Variants in PHF21A observed in about 807,000 individuals in gnomAD.
PHF21A encodes the protein PHD finger protein 21A.
Under a neutral mutation model 82.5 loss-of-function variants are expected in PHF21A, and 11 were observed. That is an observed-to-expected ratio of 0.13 (90% confidence interval 0.08 to 0.22). The LOEUF (loss-of-function observed/expected upper bound fraction) is 0.22. Among genes scored for constraint, PHF21A ranks in the 10% least tolerant of loss-of-function variants. The pLI, the probability that PHF21A is intolerant of heterozygous loss-of-function variation, is 1.00. For missense variants in PHF21A, 579 were observed against 837.8 expected (o/e 0.69, Z 3.81); for synonymous variants, 297 against 302.8 (o/e 0.98, Z 0.20).
intron 4 of PHF21A, among the ~76,000 whole-genome samples, chr11:46,083,247 G>C (rs1175377899): frequency 1.3e-5 from 2 of 151,874 alleles, no homozygotes; most frequent in Non-Finnish European, 2.9e-5. Flanking sequence ...AGCGGAACAA[G>C]AGTTTAACGA....
At chr11:46,009,043 C>T (rs770039643) in intron 6 of PHF21A, among the ~76,000 whole-genome samples, 4 of 150,488 alleles carry the variant, frequency 2.7e-5, no homozygotes. Context: ...GGCGTGATCC[C>T]GGCTCACTGC....
chr11:46,008,855 T>C (rs1008392960), intron 6 of PHF21A, among the ~76,000 whole-genome samples: 8 of 151,966 alleles, frequency 5.3e-5, no homozygotes, highest in Admixed American at 3.3e-4. Flanking sequence ...GTCAACCCTA[T>C]CCACTCCCAT....
rs558317121 is a variant in PHF21A at position 46,091,930 on chromosome 11, C to T, written c.-196+253G>A. 1.3e-3 allele frequency among the ~76,000 whole-genome samples: 191 copies of T among 152,224 alleles called. 1 individual carries two copies. The highest frequency in any genetic ancestry group is 4.0e-3 in the African/African-American group (166 of 41,544). ...TTGCATTAAGGACATTTTTGGAAAA[C>T]GGGACTTTTACATTTTAACAGGTTA... is the stretch of plus-strand genomic sequence containing the variant. On this transcript the variant is annotated intron_variant, in intron 2 of 18. Coordinates refer to ENST00000676320, the MANE Select transcript of PHF21A (RefSeq NM_001352027.3).
At chr11:46,042,079 T>TA (rs1242299274) in intron 6 of PHF21A, among the ~76,000 whole-genome samples, 1 of 152,128 alleles carries the variant, frequency 6.6e-6, no homozygotes, top group Non-Finnish European at 1.5e-5. Context: ...AACACAACCA[T>TA]TGTCTATAGG....
At chr11:46,052,300 A>G (rs555350681) in intron 6 of PHF21A, among the ~76,000 whole-genome samples, 23 of 152,296 alleles carry the variant, frequency 1.5e-4, no homozygotes, top group African/African-American at 5.3e-4. Context: ...AATGAAGCCA[A>G]AAGAGGGAGA....
intron 6 of PHF21A, among the ~76,000 whole-genome samples, chr11:46,035,641 C>G (rs953248868): frequency 6.6e-6 from 1 of 152,154 alleles, no homozygotes; most frequent in Non-Finnish European, 1.5e-5. Flanking sequence ...CTAACCTAAT[C>G]TATAGGTCAG....
chr11:46,056,071 G>A (rs1370535913), intron 6 of PHF21A, among the ~76,000 whole-genome samples: 1 of 151,746 alleles, frequency 6.6e-6, no homozygotes, highest in Non-Finnish European at 1.5e-5. Flanking sequence ...CATGTAACCT[G>A]TTTTTTTTAA....
At chr11:46,095,881 A>G (rs1017087369) in intron 1 of PHF21A, among the ~76,000 whole-genome samples, 2 of 152,212 alleles carry the variant, frequency 1.3e-5, no homozygotes, top group African/African-American at 4.8e-5. Flanking sequence ...GGACTAGAAT[A>G]GCACAGATAA....
intron 6 of PHF21A, among the ~76,000 whole-genome samples, chr11:46,053,933 A>T (rs1416630317): frequency 1.3e-5 from 2 of 152,120 alleles, no homozygotes; most frequent in East Asian, 3.8e-4. Flanking sequence ...TTTTCCATTC[A>T]CTTTCTCTTG....
At chr11:46,036,708 T>C (rs1419302688) in intron 6 of PHF21A, among the ~76,000 whole-genome samples, 1 of 152,244 alleles carries the variant, frequency 6.6e-6, no homozygotes, top group African/African-American at 2.4e-5. Flanking sequence ...AGAGTACTGC[T>C]GACATAAAGC....
chr11:46,059,637 T>C (rs1172905358), intron 6 of PHF21A, among the ~76,000 whole-genome samples: 1 of 151,816 alleles, frequency 6.6e-6, no homozygotes, highest in Non-Finnish European at 1.5e-5. Flanking sequence ...GGTGCCTAGG[T>C]TGGTCTCAAA....
intron 6 of PHF21A, among the ~76,000 whole-genome samples, chr11:46,022,821 T>C (rs905718608): frequency 2.0e-4 from 31 of 152,070 alleles, no homozygotes; most frequent in African/African-American, 7.2e-4. Flanking sequence ...CTCGGTCTAT[T>C]ACCCAGGCTG....
intron 6 of PHF21A, among the ~76,000 whole-genome samples, chr11:46,049,152 C>T (rs1169598016): frequency 1.3e-5 from 2 of 152,198 alleles, no homozygotes; most frequent in South Asian, 2.1e-4. Context: ...CTTGCCTAGG[C>T]CTGGTCCAGG....
Position 45,953,555 on chromosome 11 carries a change from G to C in PHF21A, c.1067C>G (p.Pro356Arg). The C allele has an allele frequency of 6.2e-7, 1 of 1,613,720 alleles. No individual in the cohort carries two copies. Among genetic ancestry groups the C allele is most frequent in the South Asian group, 1.1e-5 (1 of 91,050 alleles). ...ESRTITPPAA[P>R]KPKREENPQK... ...AGGGTTCTCCTCCCGTTTTGGTTTGGGTGCAGCAGGTGGGGTGATGGTGCG... is the reference window on the plus strand; with the variant it reads ...AGGGTTCTCCTCCCGTTTTGGTTTGCGTGCAGCAGGTGGGGTGATGGTGCG... The change falls in exon 11 of 19, where the codon CCC (proline) becomes CGC (arginine). Residue 356 changes from proline (P) to arginine (R), a missense_variant. Pro to Arg is a moderately radical substitution (Grantham distance 103, BLOSUM62 -2). Around this residue, in one of 3 missense-constraint regions of PHF21A, gnomAD observed 410 missense variants for 642.1 expected, o/e 0.64. Coordinates refer to ENST00000676320, the MANE Select transcript of PHF21A (RefSeq NM_001352027.3).
intron 7 of PHF21A, among the ~76,000 whole-genome samples, chr11:45,971,890 C>CTTTTTTTTTTTTTTTTTTT (rs377734291): frequency 3.6e-4 from 18 of 50,292 alleles, no homozygotes; most frequent in Admixed American, 6.4e-4. Flanking sequence ...CTTTTTCTTT[C>CTTTTTTTTTTTTTTTTTTT]TTTTTTTTTT....
At chr11:46,098,950 C>A (rs2097047705) in intron 1 of PHF21A, among the ~76,000 whole-genome samples, 1 of 152,034 alleles carries the variant, frequency 6.6e-6, no homozygotes, top group South Asian at 2.1e-4. Context: ...GGATAATAGA[C>A]CCAAATTCCT....
In PHF21A at chr11:45,946,169, C is replaced by T. The variant is rs151072512; in HGVS notation, c.1289-166G>A. On this transcript the variant is annotated intron_variant, in intron 14 of 18. Coordinates refer to ENST00000676320, the MANE Select transcript of PHF21A (RefSeq NM_001352027.3). The stretch of plus-strand genomic sequence containing the variant: ...ACAGTCCCAAAGGAAGGAAGAGAAG[C>T]AAAGATTTAAATGTCATTAGAAACA... 204 of 1,480,824 alleles carry T rather than the reference C, an allele frequency of 1.4e-4. 2 individuals carry two copies. The East Asian group carries it at 3.9e-3, about 28-fold the overall frequency. The allele number at this position is 1,480,824 out of a possible 1,614,324, so 91.7% of individuals were successfully genotyped here.
chr11:45,977,318 G>T (rs1046518517), intron 7 of PHF21A, among the ~76,000 whole-genome samples: 2 of 152,054 alleles, frequency 1.3e-5, no homozygotes, highest in Admixed American at 1.3e-4. Flanking sequence ...TGTATTTTTA[G>T]TAGAGATGGA....
chr11:46,019,760 A>G (rs1481664296), intron 6 of PHF21A, among the ~76,000 whole-genome samples: 1 of 152,184 alleles, frequency 6.6e-6, no homozygotes, highest in East Asian at 1.9e-4. Context: ...CTTGACAGTT[A>G]AACAGTAGCT....
Sources: gnomAD v4.1 joint callset for allele counts (sites outside exome capture counted in the v4.1 genomes callset) on GRCh38, gnomAD v4.1.1 for gene constraint, gnomAD v4.1.1 regional missense constraint, MANE v1.5 for transcripts, NCBI Gene and HGNC (gene_info 2026-07-23, HGNC 2026-07-21) for gene names.